Variants in ARHGAP26 observed in about 807,000 individuals in gnomAD.
ARHGAP26 encodes Rho GTPase activating protein 26.
ARHGAP26 carries 38 observed loss-of-function variants against 104.8 expected under a neutral mutation model. The ratio of observed to expected loss-of-function variants is 0.36; its 90% CI spans 0.28 to 0.48. The LOEUF (loss-of-function observed/expected upper bound fraction) is 0.48. Ranked by LOEUF, ARHGAP26 falls within the 20% of genes least tolerant of loss-of-function variation. The pLI is 0.99. For synonymous variants in ARHGAP26, 341 were observed against 340.0 expected (o/e 1.00, Z -0.03); for missense variants, 704 against 947.9 (o/e 0.74, Z 3.38).
intron 11 of ARHGAP26, among the ~76,000 whole-genome samples, chr5:142,971,422 G>A (rs1238047331): frequency 6.6e-6 from 1 of 152,210 alleles, no homozygotes. Flanking sequence ...TTTCTGGTCA[G>A]ATGTGTTCTT....
Position 142,879,417 on chromosome 5 carries a change from T to C in ARHGAP26, c.356T>C (p.Phe119Ser). ...SEVLITPLEK[F>S]RKEQIGAAKE... ...GTGCTCATCACTCCCTTGGAGAAGT[T>C]TCGAAAGGAACAGATCGGGGCTGCC... The change falls in exon 4 of 23, where the codon TTT (phenylalanine) becomes TCT (serine). Residue 119 changes from phenylalanine to serine, a missense_variant. Physicochemically the swap from Phe to Ser is radical, Grantham distance 155 (BLOSUM62 -2). Around this residue, in one of 6 missense-constraint regions of ARHGAP26, gnomAD observed 106 missense variants for 120.5 expected, o/e 0.88. Transcript: ENST00000645722. 6.2e-7 allele frequency: 1 copy of C among 1,613,952 alleles called. No homozygotes were observed. Among genetic ancestry groups the C allele is most frequent in the South Asian group, 1.1e-5 (1 of 91,048 alleles).
At chr5:143,078,149 C>T (rs975909250) in intron 17 of ARHGAP26, among the ~76,000 whole-genome samples, 1 of 152,182 alleles carries the variant, frequency 6.6e-6, no homozygotes, top group Non-Finnish European at 1.5e-5. Context: ...CCTGCATTAC[C>T]CAGCCAATCA....
chr5:142,999,306 A>C lies in ARHGAP26; in HGVS notation c.1108-14774A>C, dbSNP rs537860732. 2.0e-5 allele frequency among the ~76,000 whole-genome samples: 3 copies of C among 152,170 alleles called. No individual in the cohort carries two copies. The South Asian group carries it at 6.2e-4, about 32-fold the overall frequency. Reference sequence around the variant, plus strand: ...CTGAAAATTAGCCTCGAGCATATAGATCTTTACAATGCTCAGCACACTTAC... The same window carrying C: ...CTGAAAATTAGCCTCGAGCATATAGCTCTTTACAATGCTCAGCACACTTAC... On this transcript the variant is annotated intron_variant, in intron 11 of 22. Transcript: ENST00000645722.
chr5:142,837,089 T>C (rs1354077399), intron 1 of ARHGAP26, among the ~76,000 whole-genome samples: 1 of 152,236 alleles, frequency 6.6e-6, no homozygotes, highest in Non-Finnish European at 1.5e-5. Flanking sequence ...CTGGAACTTC[T>C]GTAGTCAGTA....
chr5:143,144,003 C>T lies in ARHGAP26; in HGVS notation c.1838-3228C>T, dbSNP rs371520014. Among the ~76,000 whole-genome samples the T allele has an allele frequency of 4.6e-5, 7 of 152,320 alleles. No individual in the cohort carries two copies. In the East Asian group the frequency reaches 1.2e-3, roughly 25 times the overall value. The stretch of plus-strand genomic sequence containing the variant: ...TGTTGACAAACATGTTTGAGGCGGG[C>T]AAGCATTCTCACTGACTTCAACCAG... On this transcript the variant is annotated intron_variant, in intron 19 of 22. Coordinates refer to ENST00000645722, the MANE Select transcript of ARHGAP26 (RefSeq NM_001135608.3).
At chr5:142,778,500 G>C (rs6861836) in intron 1 of ARHGAP26, among the ~76,000 whole-genome samples, 29,119 of 152,026 alleles carry the variant, frequency 0.19, 6,372 homozygotes, top group African/African-American at 0.53. Flanking sequence ...TTTGCTTTTC[G>C]AGTTGATCAT....
chr5:142,974,820 T>C (rs1772824918), intron 11 of ARHGAP26, among the ~76,000 whole-genome samples: 1 of 152,242 alleles, frequency 6.6e-6, no homozygotes, highest in African/African-American at 2.4e-5. Context: ...TTTCCCCTTT[T>C]GTTCCTTTCG....
At position 143,052,510 on chromosome 5, in the gene ARHGAP26, CTTGT is replaced by C. The variant is rs1785188494; in HGVS notation, c.1286-1922_1286-1919del. On this transcript the variant is annotated intron_variant, in intron 14 of 22. Coordinates refer to ENST00000645722, the MANE Select transcript of ARHGAP26 (RefSeq NM_001135608.3). ...AAAAATTATGCTCTTTAGGTTTTTC[CTTGT>C]TTGTTTCATGTGACAGGAAAGACTT... Among the ~76,000 whole-genome samples the C allele has an allele frequency of 2.0e-5, 3 of 151,968 alleles. No homozygotes were observed. The South Asian group carries it at 6.2e-4, about 32-fold the overall frequency.
At chr5:143,177,514 T>A (rs1051815967) in intron 20 of ARHGAP26, among the ~76,000 whole-genome samples, 3 of 152,196 alleles carry the variant, frequency 2.0e-5, no homozygotes, top group African/African-American at 7.2e-5. Context: ...TACATGTATT[T>A]GATATGCATG....
At chr5:143,066,901 A>T (rs1423942048) in intron 17 of ARHGAP26, among the ~76,000 whole-genome samples, 1 of 152,152 alleles carries the variant, frequency 6.6e-6, no homozygotes, top group Non-Finnish European at 1.5e-5. Context: ...ACCTTATTGC[A>T]AGTCTCACAC....
chr5:142,798,035 C>G (rs1288036826), intron 1 of ARHGAP26, among the ~76,000 whole-genome samples: 1 of 152,160 alleles, frequency 6.6e-6, no homozygotes, highest in African/African-American at 2.4e-5. Flanking sequence ...ACAGTGGTCC[C>G]CATTTAGGGG....
At chr5:142,830,786 G>A (rs1423483117) in intron 1 of ARHGAP26, among the ~76,000 whole-genome samples, 1 of 152,072 alleles carries the variant, frequency 6.6e-6, no homozygotes, top group Non-Finnish European at 1.5e-5. Context: ...AAATACTTTG[G>A]CCATTGTGAT....
intron 17 of ARHGAP26, among the ~76,000 whole-genome samples, chr5:143,070,314 C>G (rs142813459): frequency 1.3e-5 from 2 of 152,290 alleles, no homozygotes; most frequent in Admixed American, 1.3e-4. Flanking sequence ...GGTCATTCTC[C>G]CCAGCCCTAA....
intron 20 of ARHGAP26, among the ~76,000 whole-genome samples, chr5:143,197,560 G>A (rs1280052121): frequency 1.3e-5 from 2 of 151,990 alleles, no homozygotes; most frequent in Non-Finnish European, 2.9e-5. Context: ...TTCCCACTTG[G>A]TTGTGTTTTA....
intron 11 of ARHGAP26, among the ~76,000 whole-genome samples, chr5:142,954,626 C>G (rs1768921748): frequency 6.6e-6 from 1 of 152,202 alleles, no homozygotes; most frequent in African/African-American, 2.4e-5. Context: ...TCACCCAGAT[C>G]AGTAACATTT....
At chr5:142,800,538 T>C (rs1224417792) in intron 1 of ARHGAP26, among the ~76,000 whole-genome samples, 1 of 152,142 alleles carries the variant, frequency 6.6e-6, no homozygotes, top group African/African-American at 2.4e-5. Flanking sequence ...AATTTTTGTA[T>C]TTTTAGCAGA....
intron 7 of ARHGAP26, among the ~76,000 whole-genome samples, chr5:142,903,243 G>A (rs571707866): frequency 3.3e-5 from 5 of 152,296 alleles, no homozygotes; most frequent in South Asian, 4.1e-4. Flanking sequence ...GAGGCTTATC[G>A]TAAAACACAC....
chr5:142,927,736 A>G (rs997662519), intron 10 of ARHGAP26, among the ~76,000 whole-genome samples: 2 of 152,340 alleles, frequency 1.3e-5, no homozygotes, highest in Non-Finnish European at 2.9e-5. Flanking sequence ...GTTTAGTTCT[A>G]GCAGATATTG....
chr5:143,161,344 C>A (rs1342580290), intron 20 of ARHGAP26, among the ~76,000 whole-genome samples: 1 of 152,104 alleles, frequency 6.6e-6, no homozygotes, highest in Non-Finnish European at 1.5e-5. Context: ...GGAGCCCTAA[C>A]TTAAGAAACC....
Sources: gnomAD v4.1 joint callset for allele counts (sites outside exome capture counted in the v4.1 genomes callset) on GRCh38, gnomAD v4.1.1 for gene constraint, gnomAD v4.1.1 regional missense constraint, MANE v1.5 for transcripts, NCBI Gene and HGNC (gene_info 2026-07-23, HGNC 2026-07-21) for gene names.